Variants in EYS observed in about 807,000 individuals in gnomAD.
The protein encoded by EYS is EGF-like photoreceptor maintenance factor, also known as protein eyes shut homolog.
In EYS, 250 loss-of-function variants were observed where a neutral mutation model predicts 282.1. That is an observed-to-expected ratio of 0.89 (90% CI 0.80 to 0.98). The LOEUF (loss-of-function observed/expected upper bound fraction) is 0.98. EYS is among the 50% of genes least tolerant of loss of function. The pLI is 0.00. For missense variants in EYS, 4,016 were observed against 3,709.0 expected, an observed-to-expected ratio of 1.08 and a Z score of -2.15; for synonymous variants, 1,355 against 1,282.9, an observed-to-expected ratio of 1.06 and a Z score of -1.20.
chr6:63,726,880 T>C (rs1196424761), intron 41 of EYS, among the ~76,000 whole-genome samples, 200 bp from the exon 42 acceptor site: 3 of 152,208 alleles, frequency 2.0e-5, no homozygotes, highest in African/African-American at 7.2e-5. Context: ...TGTAACGAAG[T>C]CACTTACTGA....
intron 2 of EYS, among the ~76,000 whole-genome samples, chr6:65,531,928 A>G (rs989194340): frequency 5.9e-5 from 9 of 152,134 alleles, no homozygotes; most frequent in African/African-American, 1.9e-4. Flanking sequence ...GGTGATGTAA[A>G]TTCTTTGAAC....
At chr6:63,764,080 G>A (rs550000951) in intron 40 of EYS, among the ~76,000 whole-genome samples, 1 of 151,230 alleles carries the variant, frequency 6.6e-6, no homozygotes, top group South Asian at 2.1e-4. Flanking sequence ...TGAGAGAAAG[G>A]GTTAACTTAA....
intron 35 of EYS, among the ~76,000 whole-genome samples, chr6:63,903,760 A>G (rs1460640181): frequency 2.0e-5 from 3 of 152,194 alleles, no homozygotes; most frequent in Non-Finnish European, 2.9e-5. Flanking sequence ...GTCTTCCCCA[A>G]TAGATATTGA....
intron 37 of EYS, among the ~76,000 whole-genome samples, chr6:63,793,340 G>A (rs1403477207): frequency 6.6e-6 from 1 of 152,192 alleles, no homozygotes; most frequent in Non-Finnish European, 1.5e-5. Context: ...TAGAATGTGT[G>A]TATATCAAGA....
intron 35 of EYS, among the ~76,000 whole-genome samples, chr6:63,924,696 A>G (rs1200061011): frequency 2.0e-5 from 3 of 152,194 alleles, no homozygotes; most frequent in Non-Finnish European, 4.4e-5. Context: ...CCAAGGCCAG[A>G]TCATCTTTAA....
intron 5 of EYS, among the ~76,000 whole-genome samples, chr6:65,436,569 T>A (rs1768083132): frequency 6.6e-6 from 1 of 152,150 alleles, no homozygotes. Flanking sequence ...ATATCTTCCC[T>A]CACTTGTAAA....
At chr6:64,560,269 G>T (rs985440843) in intron 26 of EYS, among the ~76,000 whole-genome samples, 1 of 151,296 alleles carries the variant, frequency 6.6e-6, no homozygotes, top group Non-Finnish European at 1.5e-5. Context: ...TATTTTTTAT[G>T]GTCAATTGTA....
intron 12 of EYS, among the ~76,000 whole-genome samples, chr6:65,210,456 C>T (rs1766145777): frequency 6.6e-6 from 1 of 151,784 alleles, no homozygotes; most frequent in African/African-American, 2.4e-5. Flanking sequence ...TTGATTTTGG[C>T]CAATGATGAC....
intron 31 of EYS, among the ~76,000 whole-genome samples, chr6:64,125,154 G>GCGCGCGCTCTCTCTCTCTCTCTCTCTCTC (rs1773724746): frequency 1.4e-5 from 2 of 145,264 alleles, no homozygotes; most frequent in Admixed American, 1.4e-4. Flanking sequence ...CACACTCTCT[G>GCGCGCGCTCTCTCTCTCTCTCTCTCTCTC]TCTCTCTCTC....
rs190445516 is a variant in EYS at position 65,299,691 on chromosome 6, C to T, written c.1767-3572G>A. The stretch of plus-strand genomic sequence containing the variant: ...GAGGGTCAAATATTACAGTGCGTTT[C>T]CATTTCTAACTCATCCTGCCACCTA... On this transcript the variant is annotated intron_variant, in intron 11 of 42. Transcript: ENST00000503581. Among the ~76,000 whole-genome samples, 1,240 of 152,104 alleles carry T rather than the reference C, an allele frequency of 8.2e-3. 6 individuals carry two copies. The highest frequency in any genetic ancestry group is 0.012 in the Non-Finnish European group (836 of 67,966).
intron 12 of EYS, among the ~76,000 whole-genome samples, chr6:65,100,367 T>C (rs1410916831): frequency 6.6e-6 from 1 of 150,696 alleles, no homozygotes; most frequent in South Asian, 2.1e-4. Context: ...GTTTTTTTAA[T>C]GAAGAACAAA....
rs549425156 is a variant in EYS at position 65,060,780 on chromosome 6, G to A, written c.2024-3053C>T. Among the ~76,000 whole-genome samples, 78 of 112,710 alleles carry A rather than the reference G, an allele frequency of 6.9e-4. 1 individual carries two copies. Among genetic ancestry groups the A allele is most frequent in the African/African-American group, 3.4e-3 (74 of 22,036 alleles). 73.9% of individuals were successfully genotyped at this position (112,710 alleles called of 152,430 possible). A position where few individuals can be genotyped will look rare whatever the true frequency, so the allele number is the denominator to read the frequency against. On this transcript the variant is annotated intron_variant, in intron 12 of 42. Transcript: ENST00000503581. ...TGTGTATATACATGTGTATATATAT[G>A]TGTATATATATATATATATATACAC...
At chr6:64,211,214 G>A (rs971950342) in intron 31 of EYS, among the ~76,000 whole-genome samples, 1 of 152,048 alleles carries the variant, frequency 6.6e-6, no homozygotes, top group African/African-American at 2.4e-5. Context: ...GGAGAACCCT[G>A]CCTAATGACA....
In EYS at chr6:64,732,797, A is replaced by G. The variant is rs572363317; in HGVS notation, c.3443+80581T>C. On this transcript the variant is annotated intron_variant, in intron 22 of 42. Transcript: ENST00000503581. ...GAGAGGCAATCCCTACTTAACTCCA[A>G]CTGATTGTTCTCGTTTGAAAACACA... 7.9e-5 allele frequency among the ~76,000 whole-genome samples: 12 copies of G among 152,352 alleles called. 1 individual carries two copies. In the South Asian group the frequency reaches 2.3e-3, roughly 29 times the overall value.
At chr6:64,295,946 T>A (rs1339582240) in intron 30 of EYS, among the ~76,000 whole-genome samples, 1 of 152,172 alleles carries the variant, frequency 6.6e-6, no homozygotes, top group East Asian at 1.9e-4. Flanking sequence ...TAAAGATATA[T>A]GTTGACATTT....
intron 11 of EYS, among the ~76,000 whole-genome samples, chr6:65,328,415 T>C (rs116610127): frequency 0.016 from 2,444 of 151,516 alleles, 56 homozygotes; most frequent in African/African-American, 0.056. Context: ...TATGTGTACA[T>C]TGATATTGAG....
intron 24 of EYS, among the ~76,000 whole-genome samples, chr6:64,613,261 G>A (rs1767167699): frequency 6.6e-6 from 1 of 152,076 alleles, no homozygotes; most frequent in South Asian, 2.1e-4. Flanking sequence ...AACCATTCAA[G>A]TTGAGATACC....
intron 2 of EYS, among the ~76,000 whole-genome samples, chr6:65,620,076 G>T (rs867593867): frequency 6.6e-6 from 1 of 152,178 alleles, no homozygotes; most frequent in Non-Finnish European, 1.5e-5. Flanking sequence ...CATAAAATGA[G>T]TTAGAGAGGA....
At chr6:64,524,242 TATAAA>T (rs1365623595) in intron 26 of EYS, among the ~76,000 whole-genome samples, 1 of 151,772 alleles carries the variant, frequency 6.6e-6, no homozygotes, top group Non-Finnish European at 1.5e-5. Flanking sequence ...AATTTTTACA[TATAAA>T]ATGTTTGTAA....
Sources: allele counts gnomAD v4.1 joint callset (sites outside exome capture counted in the v4.1 genomes callset), GRCh38; gene constraint gnomAD v4.1.1; transcripts MANE v1.5; gene names NCBI Gene and HGNC (gene_info 2026-07-23, HGNC 2026-07-21).